Variants in MYRIP observed in about 807,000 individuals in gnomAD.
MYRIP encodes myosin VIIA and Rab interacting protein, also known as rab effector MyRIP.
Under a neutral mutation model 98.0 loss-of-function variants are expected in MYRIP, and 49 were observed. The observed-to-expected ratio is 0.50, with a 90% confidence interval of 0.40 to 0.63. The LOEUF is 0.63. Ranked by LOEUF, MYRIP falls within the 30% of genes least tolerant of loss-of-function variation. MYRIP has a pLI of 0.00. For missense variants in MYRIP, 1,004 were observed against 1,058.2 expected (o/e 0.95, Z 0.71); for synonymous variants, 404 against 409.5 (o/e 0.99, Z 0.16).
intron 1 of MYRIP, among the ~76,000 whole-genome samples, chr3:39,830,486 C>A (rs565824875): frequency 5.9e-5 from 9 of 152,174 alleles, no homozygotes; most frequent in Non-Finnish European, 1.2e-4. Flanking sequence ...CTCACTCTTA[C>A]ACATTGTCCC....
intron 2 of MYRIP, among the ~76,000 whole-genome samples, chr3:39,971,006 G>C (rs1184632355): frequency 6.6e-6 from 1 of 152,064 alleles, no homozygotes; most frequent in Non-Finnish European, 1.5e-5. Flanking sequence ...CCTAGAGAAG[G>C]AGTAACTATC....
At chr3:39,993,254 A>C (rs1051590375) in intron 2 of MYRIP, among the ~76,000 whole-genome samples, 1 of 152,248 alleles carries the variant, frequency 6.6e-6, no homozygotes, top group African/African-American at 2.4e-5. Context: ...AGATAACAGC[A>C]TTAATCTATC....
At position 39,877,844 on chromosome 3, in the gene MYRIP, C is replaced by G. The variant is rs920645960; in HGVS notation, c.-30-22943C>G. Among the ~76,000 whole-genome samples the G allele has an allele frequency of 9.5e-5, 12 of 126,516 alleles. No individual in the cohort carries two copies. In the South Asian group the frequency reaches 2.5e-3, roughly 27 times the overall value. The allele number at this position is 126,516 out of a possible 152,430, so 83.0% of individuals were successfully genotyped here. A position where few individuals can be genotyped will look rare whatever the true frequency, so the allele number is the denominator to read the frequency against. On this transcript the variant is annotated intron_variant, in intron 1 of 16. Coordinates refer to ENST00000302541, the MANE Select transcript of MYRIP (RefSeq NM_015460.4). ...CTGCCCATTCTCAGATCTCCAGCTG[C>G]GTGCTGGGAGAACCACTGCTCTCTT...
intron 10 of MYRIP, among the ~76,000 whole-genome samples, chr3:40,190,946 A>C (rs1230191120): frequency 3.3e-5 from 5 of 152,188 alleles, no homozygotes; most frequent in African/African-American, 1.2e-4. Flanking sequence ...TCATCTGTAA[A>C]ATGAAGATGA....
At chr3:40,109,143 T>C (rs1341124678) in intron 3 of MYRIP, among the ~76,000 whole-genome samples, 1 of 152,232 alleles carries the variant, frequency 6.6e-6, no homozygotes, top group African/African-American at 2.4e-5. Context: ...TATTATACTT[T>C]AAGTTCTAGG....
At chr3:40,255,991 G>A (rs1226806017) in intron 16 of MYRIP, among the ~76,000 whole-genome samples, 3 of 152,180 alleles carry the variant, frequency 2.0e-5, no homozygotes, top group Admixed American at 6.5e-5. Context: ...GGGCAGTGCT[G>A]TCTAATAGAA....
chr3:39,960,421 T>A (rs998463374), intron 2 of MYRIP, among the ~76,000 whole-genome samples: 3 of 152,188 alleles, frequency 2.0e-5, no homozygotes. Flanking sequence ...CAAAGTTTAA[T>A]AATAGCATGC....
intron 3 of MYRIP, among the ~76,000 whole-genome samples, chr3:40,113,596 T>C (rs966921701): frequency 1.3e-5 from 2 of 152,236 alleles, no homozygotes. Flanking sequence ...CCAGTGTACA[T>C]TAAAATAAAT....
chr3:40,159,782 C>T (rs1465272723), intron 4 of MYRIP, among the ~76,000 whole-genome samples: 3 of 152,136 alleles, frequency 2.0e-5, no homozygotes, highest in Admixed American at 1.3e-4. Context: ...TCCAGTTGAT[C>T]GCATCGGCTC....
chr3:40,068,674 A>C (rs1948168440), intron 3 of MYRIP, among the ~76,000 whole-genome samples: 1 of 152,234 alleles, frequency 6.6e-6, no homozygotes, highest in African/African-American at 2.4e-5. Context: ...AGAACTCCCC[A>C]GTCTCAGCCC....
chr3:40,007,251 G>A, intron 2 of MYRIP, among the ~76,000 whole-genome samples: 1 of 152,024 alleles, frequency 6.6e-6, no homozygotes, highest in East Asian at 1.9e-4. Flanking sequence ...GTTGTCAGAG[G>A]ACCATTCATG....
At chr3:39,948,452 C>T (rs923209392) in intron 2 of MYRIP, among the ~76,000 whole-genome samples, 1 of 151,876 alleles carries the variant, frequency 6.6e-6, no homozygotes, top group African/African-American at 2.4e-5. Context: ...TTAAAGAAGT[C>T]AGGCAAATAT....
chr3:39,837,160 TAGGTTGC>T (rs1183256093), intron 1 of MYRIP, among the ~76,000 whole-genome samples: 1 of 152,234 alleles, frequency 6.6e-6, no homozygotes, highest in Admixed American at 6.5e-5. Context: ...CCCAACGCTG[TAGGTTGC>T]CTGTTCACTC....
chr3:40,026,463 G>A (rs912523174), intron 2 of MYRIP, among the ~76,000 whole-genome samples: 7 of 152,084 alleles, frequency 4.6e-5, no homozygotes, highest in African/African-American at 1.4e-4. Flanking sequence ...TCATCACAGG[G>A]TCCTGAGGTG....
At chr3:40,069,750 A>T (rs546367970) in intron 3 of MYRIP, among the ~76,000 whole-genome samples, 1 of 152,194 alleles carries the variant, frequency 6.6e-6, no homozygotes, top group African/African-American at 2.4e-5. Flanking sequence ...GGTTTTATGG[A>T]AGACAGTTTT....
intron 1 of MYRIP, among the ~76,000 whole-genome samples, chr3:39,817,366 A>G (rs532444930): frequency 6.6e-6 from 1 of 152,190 alleles, no homozygotes; most frequent in Admixed American, 6.5e-5. Flanking sequence ...TGAGCTTGTC[A>G]GAAACGTCAA....
chr3:39,878,320 TGCTTCA>T (rs1163286337), intron 1 of MYRIP, among the ~76,000 whole-genome samples: 2 of 152,194 alleles, frequency 1.3e-5, no homozygotes, highest in East Asian at 3.9e-4. Flanking sequence ...TGCCTCGCCC[TGCTTCA>T]GCTCGAGCAC....
chr3:40,039,488 C>G (rs896488271), intron 2 of MYRIP, among the ~76,000 whole-genome samples: 1 of 152,004 alleles, frequency 6.6e-6, no homozygotes, highest in African/African-American at 2.4e-5. Context: ...TAGAAAGTCC[C>G]TTTGGATCTT....
chr3:39,979,509 A>G (rs902285738), intron 2 of MYRIP, among the ~76,000 whole-genome samples: 3 of 152,050 alleles, frequency 2.0e-5, no homozygotes, highest in Non-Finnish European at 2.9e-5. Flanking sequence ...ATGGTGGTGC[A>G]TGCCTGTAAT....
Sources: gnomAD v4.1 joint callset for allele counts (sites outside exome capture counted in the v4.1 genomes callset) on GRCh38, gnomAD v4.1.1 for gene constraint, MANE v1.5 for transcripts, NCBI Gene and HGNC (gene_info 2026-07-23, HGNC 2026-07-21) for gene names.